The following OLFM2 variants were observed in gnomAD, a reference collection of about 807,000 sequenced individuals.
OLFM2 encodes olfactomedin 2, also known as noelin-2.
In OLFM2, 20 loss-of-function variants were observed where a neutral mutation model predicts 43.9. That is an observed-to-expected ratio of 0.46 (90% CI 0.32 to 0.66). The LOEUF (loss-of-function observed/expected upper bound fraction) is 0.66. OLFM2 is among the 30% of genes least tolerant of loss of function. The pLI is 0.04. For missense variants in OLFM2, 416 were observed against 643.6 expected (o/e 0.65, Z 3.83); for synonymous variants, 268 against 278.6 (o/e 0.96, Z 0.38).
intron 1 of OLFM2, among the ~76,000 whole-genome samples, chr19:9,883,464 G>A (rs911822027): frequency 1.3e-5 from 2 of 151,992 alleles, no homozygotes; most frequent in Non-Finnish European, 2.9e-5. Flanking sequence ...CTTTGTTAGC[G>A]AGAATGGGCT....
At chr19:9,886,320 C>T (rs1266572032) in intron 1 of OLFM2, among the ~76,000 whole-genome samples, 1 of 151,960 alleles carries the variant, frequency 6.6e-6, no homozygotes, top group Non-Finnish European at 1.5e-5. Context: ...ATTCTCCTGC[C>T]CCATCCTCCC....
chr19:9,869,151 G>C (rs943308685), intron 1 of OLFM2, among the ~76,000 whole-genome samples: 1 of 152,114 alleles, frequency 6.6e-6, no homozygotes, highest in African/African-American at 2.4e-5. Context: ...GGGAAAGCTG[G>C]TCATTTATGC....
chr19:9,857,412 C>T lies in OLFM2; in HGVS notation c.431G>A (p.Arg144Gln), dbSNP rs779032127. 1.2e-5 allele frequency: 19 copies of T among 1,614,052 alleles called. No individual in the cohort carries two copies. The highest frequency in any genetic ancestry group is 4.5e-5 in the East Asian group (2 of 44,884). The change falls in exon 4 of 6, where the codon CGG becomes CAG. Residue 144 changes from arginine to glutamine, a missense_variant. By Grantham distance (43) the Arg-to-Gln change is conservative. Coordinates refer to ENST00000264833, the MANE Select transcript of OLFM2 (RefSeq NM_058164.4). This position sits in a 1 kb window ranked among gnomAD's most constrained non-coding sequence, Gnocchi z 5.7. The stretch of plus-strand genomic sequence containing the variant: ...CTCCTCCCGCAAGCGTACAATGGTC[C>T]GCGTGTCTGCCTTGTACTGCTCCAG... ...SVLEQYKADTRTIVRLREEVR... is the reference protein window; with the variant it reads ...SVLEQYKADTQTIVRLREEVR...
At chr19:9,873,834 A>T in intron 1 of OLFM2, among the ~76,000 whole-genome samples, 2 of 90,162 alleles carry the variant, frequency 2.2e-5, no homozygotes, top group East Asian at 4.7e-4. Flanking sequence ...TTTTTTTTGT[A>T]GAGACAGGAT....
In OLFM2 at chr19:9,867,590, T is replaced by C. The variant is rs369232840; in HGVS notation, c.64-6796A>G. 6.9e-4 allele frequency among the ~76,000 whole-genome samples: 105 copies of C among 152,288 alleles called. 1 individual carries two copies. In the South Asian group the frequency reaches 0.021, roughly 31 times the overall value. ...GCCAAGGCACCTTGGGGCTTACATA[T>C]TTATTTGTGCCCTGCCTTGTTCCAG... On this transcript the variant is annotated intron_variant, in intron 1 of 5. Coordinates refer to ENST00000264833, the MANE Select transcript of OLFM2 (RefSeq NM_058164.4).
In OLFM2 at chr19:9,920,262, G is replaced by C. The variant is rs578154483; in HGVS notation, c.63+16042C>G. 2.6e-5 allele frequency among the ~76,000 whole-genome samples: 4 copies of C among 152,210 alleles called. No individual in the cohort carries two copies. In the South Asian group the frequency reaches 8.3e-4, roughly 32 times the overall value. ...CCTCTGCACTCCAGCCTGGGCAACAGAGCAAGACCCTGCCTGTACAAAAGG... is the reference window on the plus strand; with the variant it reads ...CCTCTGCACTCCAGCCTGGGCAACACAGCAAGACCCTGCCTGTACAAAAGG... On this transcript the variant is annotated intron_variant, in intron 1 of 5. Coordinates refer to ENST00000264833, the MANE Select transcript of OLFM2 (RefSeq NM_058164.4).
chr19:9,926,193 G>C (rs1459537140), intron 1 of OLFM2, among the ~76,000 whole-genome samples: 1 of 151,738 alleles, frequency 6.6e-6, no homozygotes, highest in Non-Finnish European at 1.5e-5. Flanking sequence ...TCTATTTATT[G>C]ATGAATGAAT....
chr19:9,936,371 C>A lies in OLFM2; in HGVS notation c.-5G>T, dbSNP rs2086515072. 1 of 1,464,474 alleles carries A rather than the reference C, an allele frequency of 6.8e-7. No homozygotes were observed. The highest frequency in any genetic ancestry group is 9.0e-7 in the Non-Finnish European group (1 of 1,112,322). 90.7% of individuals were successfully genotyped at this position (1,464,474 alleles called of 1,614,324 possible). ...CGGGACCGTGAGCGGCCACATGACG[C>A]GCCCCTAGCCCGGCGTCCCGACCCC... On this transcript the variant is annotated 5_prime_UTR_variant, in exon 1 of 6. Transcript: ENST00000264833.
chr19:9,877,360 C>A (rs1271467628), intron 1 of OLFM2, among the ~76,000 whole-genome samples: 1 of 151,758 alleles, frequency 6.6e-6, no homozygotes. Flanking sequence ...ATGGAGAAAC[C>A]CCGTCTCTAC....
At chr19:9,877,827 A>C (rs1041803530) in intron 1 of OLFM2, among the ~76,000 whole-genome samples, 3 of 142,916 alleles carry the variant, frequency 2.1e-5, no homozygotes, top group African/African-American at 7.7e-5. Context: ...AACTGGAAAA[A>C]TAAATTTTTT....
In OLFM2 at chr19:9,860,151, G is replaced by GA. The variant is rs60888104; in HGVS notation, c.213+493dup. Among the ~76,000 whole-genome samples the GA allele has an allele frequency of 3.8e-3, 519 of 137,482 alleles. 2 individuals carry two copies. Among genetic ancestry groups the GA allele is most frequent in the African/African-American group, 0.012 (458 of 37,098 alleles). 90.2% of individuals were successfully genotyped at this position (137,482 alleles called of 152,430 possible). On this transcript the variant is annotated intron_variant, in intron 2 of 5. Coordinates refer to ENST00000264833, the MANE Select transcript of OLFM2 (RefSeq NM_058164.4). ...CGACAGAGTGAGACTGTCTCAAGGAGAAAAAAAAAAAAAATACATTGAACA... is the reference window on the plus strand; with the variant it reads ...CGACAGAGTGAGACTGTCTCAAGGAGAAAAAAAAAAAAAAATACATTGAACA...
chr19:9,910,406 A>T (rs2046818389), intron 1 of OLFM2, among the ~76,000 whole-genome samples: 1 of 152,114 alleles, frequency 6.6e-6, no homozygotes, highest in Non-Finnish European at 1.5e-5. Flanking sequence ...AATTCTTGAC[A>T]TAGAAGAGGC....
chr19:9,921,491 A>AT (rs145728493), intron 1 of OLFM2, among the ~76,000 whole-genome samples: 16,327 of 141,752 alleles, frequency 0.12, 2,857 homozygotes, highest in African/African-American at 0.39. Context: ...ACTACATTAA[A>AT]TTTTTTTTTT....
chr19:9,933,269 T>C (rs1403161167), intron 1 of OLFM2, among the ~76,000 whole-genome samples: 1 of 152,146 alleles, frequency 6.6e-6, no homozygotes, highest in Non-Finnish European at 1.5e-5. Context: ...GACAGTCTTG[T>C]TCTGTTGCCT....
rs191666482 is a variant in OLFM2 at position 9,871,237 on chromosome 19, C to T, written c.64-10443G>A. 4.6e-4 allele frequency among the ~76,000 whole-genome samples: 70 copies of T among 151,056 alleles called. 1 individual carries two copies. The highest frequency in any genetic ancestry group is 4.6e-3 in the Admixed American group (69 of 15,128). The stretch of plus-strand genomic sequence containing the variant: ...AGTGAGCTGAGATGGTGCCACTGCA[C>T]TCTAGCCTGGGCAACAAAGCGAGAT... On this transcript the variant is annotated intron_variant, in intron 1 of 5. Coordinates refer to ENST00000264833, the MANE Select transcript of OLFM2 (RefSeq NM_058164.4).
chr19:9,899,030 C>T (rs571674285), intron 1 of OLFM2, among the ~76,000 whole-genome samples: 144 of 152,114 alleles, frequency 9.5e-4, no homozygotes, highest in Middle Eastern at 3.4e-3. Flanking sequence ...TTTGGGAGGC[C>T]GAGGTAGGTG....
At chr19:9,930,045 A>G (rs548077933) in intron 1 of OLFM2, among the ~76,000 whole-genome samples, 1 of 151,004 alleles carries the variant, frequency 6.6e-6, no homozygotes, top group South Asian at 2.1e-4. Context: ...ATCTCAAAAA[A>G]AAAAAGAAAG....
intron 1 of OLFM2, among the ~76,000 whole-genome samples, chr19:9,863,131 G>A (rs956308210): frequency 9.2e-5 from 14 of 152,238 alleles, no homozygotes; most frequent in African/African-American, 3.4e-4. Context: ...TTGGATGTCT[G>A]GGGAAGGGGT....
At chr19:9,905,890 A>G in intron 1 of OLFM2, among the ~76,000 whole-genome samples, 1 of 152,320 alleles carries the variant, frequency 6.6e-6, no homozygotes, top group South Asian at 2.1e-4. Flanking sequence ...GTGCTCCACA[A>G]GCCCCATCGC....
Sources: allele counts gnomAD v4.1 joint callset (sites outside exome capture counted in the v4.1 genomes callset), GRCh38; gene constraint gnomAD v4.1.1; non-coding constraint Gnocchi (gnomAD v3.1); transcripts MANE v1.5; gene names NCBI Gene and HGNC (gene_info 2026-07-23, HGNC 2026-07-21).